Variants in ABCC4 observed in about 807,000 individuals in gnomAD.
ABCC4 encodes ATP binding cassette subfamily C member 4 (PEL blood group).
A neutral mutation model predicts 168.5 loss-of-function variants in ABCC4; 102 were observed. That is an observed-to-expected ratio of 0.61 (90% CI 0.52 to 0.71). The LOEUF is 0.71. Ranked by LOEUF, ABCC4 falls within the 30% of genes least tolerant of loss-of-function variation. ABCC4 has a pLI of 0.00. For synonymous variants in ABCC4, 617 were observed against 590.7 expected (o/e 1.04, Z -0.65); for missense variants, 1,402 against 1,605.8 (o/e 0.87, Z 2.17).
In ABCC4 at chr13:95,083,111, T is replaced by A. The variant is rs765722290; in HGVS notation, c.2686+29A>T. The A allele has an allele frequency of 9.9e-6, 16 of 1,611,286 alleles. No individual in the cohort carries two copies. The South Asian group carries it at 1.8e-4, about 18-fold the overall frequency. On this transcript the variant is annotated intron_variant, in intron 21 of 30. Transcript: ENST00000645237. ...GCATAAATGGAAACTAGCTAGCATG[T>A]CTATACCAACCCGAGTTTCCATACT...
chr13:95,194,144 G>A (rs1045697607), intron 9 of ABCC4, among the ~76,000 whole-genome samples: 1 of 152,318 alleles, frequency 6.6e-6, no homozygotes, highest in African/African-American at 2.4e-5. Context: ...TACTTCTTGT[G>A]GGTGGCCCCT....
At chr13:95,252,827 TC>T (rs1314405540) in intron 1 of ABCC4, among the ~76,000 whole-genome samples, 1 of 152,208 alleles carries the variant, frequency 6.6e-6, no homozygotes, top group African/African-American at 2.4e-5. Context: ...CTACTGTACA[TC>T]TATAAAGAGA....
intron 5 of ABCC4, 115 bp downstream of exon 5, chr13:95,210,577 T>C: frequency 1.2e-6 from 1 of 837,116 alleles, no homozygotes; most frequent in Non-Finnish European, 1.9e-6. Context: ...CAGCGAGCTA[T>C]GATCCTGCCA....
intron 19 of ABCC4, among the ~76,000 whole-genome samples, chr13:95,119,282 C>T (rs1203355181): frequency 6.6e-6 from 1 of 152,056 alleles, no homozygotes; most frequent in Non-Finnish European, 1.5e-5. Context: ...CCACGGACCC[C>T]AAAATTCAAT....
chr13:95,116,520 T>C (rs907048526), intron 19 of ABCC4, among the ~76,000 whole-genome samples: 7 of 152,298 alleles, frequency 4.6e-5, no homozygotes, highest in Middle Eastern at 3.4e-3. Context: ...ATCCTATCAT[T>C]TTCCAGGCTG....
chr13:95,175,417 A>G (rs2139588051), intron 13 of ABCC4, among the ~76,000 whole-genome samples: 1 of 152,126 alleles, frequency 6.6e-6, no homozygotes, highest in East Asian at 1.9e-4. Context: ...GGTTCAAGCA[A>G]TTCTCCTGCC....
chr13:95,183,755 T>A (rs988081312), intron 11 of ABCC4, among the ~76,000 whole-genome samples: 6 of 151,800 alleles, frequency 4.0e-5, no homozygotes, highest in African/African-American at 1.5e-4. Context: ...CTACTAAAAG[T>A]ACAAAAAAAT....
At chr13:95,211,949 G>A (rs759460315) in intron 4 of ABCC4, among the ~76,000 whole-genome samples, 2 of 152,140 alleles carry the variant, frequency 1.3e-5, no homozygotes, top group South Asian at 4.1e-4. Flanking sequence ...TGGGGCTGAA[G>A]GCAGATCACT....
rs1222320918 is a variant in ABCC4 at position 95,147,024 on chromosome 13, C to G, written c.2455+14165G>C. 5.9e-5 allele frequency among the ~76,000 whole-genome samples: 9 copies of G among 152,144 alleles called. No individual in the cohort carries two copies. In the South Asian group the frequency reaches 1.9e-3, roughly 32 times the overall value. The stretch of plus-strand genomic sequence containing the variant: ...TTCTTAAGCTCTTATCAAATTATTT[C>G]TAAAAGAGTTGCACAGAATGAGAGA... On this transcript the variant is annotated intron_variant, in intron 19 of 30. Coordinates refer to ENST00000645237, the MANE Select transcript of ABCC4 (RefSeq NM_005845.5).
chr13:95,273,430 AGTCTTTAGCCC>A (rs1311200735), intron 1 of ABCC4, among the ~76,000 whole-genome samples: 1 of 152,010 alleles, frequency 6.6e-6, no homozygotes, highest in Non-Finnish European at 1.5e-5. Flanking sequence ...TCAGGTTGTG[AGTCTTTAGCCC>A]ACCTAGCAGA....
chr13:95,180,813 C>T (rs78473421), intron 11 of ABCC4, among the ~76,000 whole-genome samples: 2,180 of 152,272 alleles, frequency 0.014, 26 homozygotes, highest in Non-Finnish European at 0.024. Flanking sequence ...AGAAAAGACA[C>T]TAAAAATATC....
At chr13:95,128,595 T>C (rs906482915) in intron 19 of ABCC4, among the ~76,000 whole-genome samples, 1 of 152,114 alleles carries the variant, frequency 6.6e-6, no homozygotes, top group Non-Finnish European at 1.5e-5. Flanking sequence ...CTACTTACAA[T>C]ATTTATTCAC....
intron 18 of ABCC4, 91 bp downstream of exon 18, chr13:95,163,031 C>T: frequency 4.8e-6 from 4 of 830,770 alleles, no homozygotes; most frequent in Non-Finnish European, 8.3e-6. Context: ...TAAGACATTA[C>T]TGAATGACTC....
intron 11 of ABCC4, among the ~76,000 whole-genome samples, chr13:95,183,417 A>G (rs1452528613): frequency 2.0e-5 from 3 of 152,148 alleles, no homozygotes; most frequent in Non-Finnish European, 2.9e-5. Flanking sequence ...CCCACCATTG[A>G]CACGTGGATT....
intron 4 of ABCC4, among the ~76,000 whole-genome samples, chr13:95,214,261 G>C (rs1324538377): frequency 6.6e-6 from 1 of 152,012 alleles, no homozygotes; most frequent in Admixed American, 6.6e-5. Context: ...GAAAAAAAGA[G>C]TTAAGAAAAA....
rs760924381 is a variant in ABCC4 at position 95,206,754 on chromosome 13, A to C, written c.939T>G (p.Ser313Arg). 6 of 1,613,990 alleles carry C rather than the reference A, an allele frequency of 3.7e-6. No homozygotes were observed. The highest frequency in any genetic ancestry group is 8.5e-7 in the Non-Finnish European group (1 of 1,179,986). The change falls in exon 8 of 31, where the codon AGT (serine) becomes AGG (arginine). Residue 313 changes from serine (S) to arginine (R), a missense_variant. Ser to Arg is a moderately radical substitution (Grantham distance 110, BLOSUM62 -1). Transcript: ENST00000645237. The part of the protein sequence containing the change: ...RKKEISKILR[S>R]SCLRGMNLAS... Reference sequence around the variant, plus strand: ...CCAAATTCATCCCTCTGAGGCAGGAACTTCTCAGAATCTTGGAAATCTCCT... The same window carrying C: ...CCAAATTCATCCCTCTGAGGCAGGACCTTCTCAGAATCTTGGAAATCTCCT...
At chr13:95,187,142 A>G (rs932600427) in intron 10 of ABCC4, among the ~76,000 whole-genome samples, 6 of 152,222 alleles carry the variant, frequency 3.9e-5, no homozygotes, top group Non-Finnish European at 8.8e-5. Context: ...AATGAGTTTC[A>G]TGCCCCTAAA....
chr13:95,064,256 GTGTGTATA>G (rs1306347816), intron 25 of ABCC4, among the ~76,000 whole-genome samples: 160 of 15,124 alleles, frequency 0.011, no homozygotes, highest in African/African-American at 0.018. Flanking sequence ...GTGTGTGTGT[GTGTGTATA>G]TATATATATA....
chr13:95,151,841 C>T (rs751342007), intron 19 of ABCC4, among the ~76,000 whole-genome samples: 5 of 152,106 alleles, frequency 3.3e-5, no homozygotes, highest in Non-Finnish European at 7.4e-5. Flanking sequence ...GTAATGTGAC[C>T]GACTTAGTTA....
Sources: allele counts gnomAD v4.1 joint callset (sites outside exome capture counted in the v4.1 genomes callset), GRCh38; gene constraint gnomAD v4.1.1; transcripts MANE v1.5; gene names NCBI Gene and HGNC (gene_info 2026-07-23, HGNC 2026-07-21).